The following LINGO1 variants were observed in gnomAD, a reference collection of about 807,000 sequenced individuals.
LINGO1 encodes the protein leucine rich repeat and Ig domain containing 1, also known as leucine-rich repeat and immunoglobulin-like domain-containing nogo receptor-interacting protein 1.
LINGO1 carries 11 observed loss-of-function variants against 37.3 expected under a neutral mutation model. The observed-to-expected ratio is 0.29, with a 90% CI of 0.19 to 0.49. The LOEUF (loss-of-function observed/expected upper bound fraction) is 0.49, where lower values mean the gene tolerates loss of function less well. LINGO1 is among the 20% of genes least tolerant of loss of function. LINGO1 has a pLI of 0.99. For synonymous variants in LINGO1, 387 were observed against 403.0 expected (o/e 0.96, Z 0.48); for missense variants, 585 against 878.2 (o/e 0.67, Z 4.22).
chr15:77,815,257 G>A (rs1028878636), intron 1 of LINGO1, among the ~76,000 whole-genome samples: 2 of 152,120 alleles, frequency 1.3e-5, no homozygotes, highest in African/African-American at 4.8e-5. Flanking sequence ...ACTGCCTAAG[G>A]ACGTCCTCTG....
intron 2 of LINGO1, among the ~76,000 whole-genome samples, chr15:77,732,715 C>T (rs1463115095): frequency 6.6e-6 from 1 of 152,242 alleles, no homozygotes. Flanking sequence ...CACACAGAGC[C>T]CATGGTGGCT....
intron 2 of LINGO1, among the ~76,000 whole-genome samples, chr15:77,680,652 A>C (rs2075399163): frequency 6.6e-6 from 1 of 152,002 alleles, no homozygotes; most frequent in Admixed American, 6.6e-5. Context: ...TCTCCATGAG[A>C]GTTGGGGCCT....
intron 2 of LINGO1, among the ~76,000 whole-genome samples, chr15:77,732,042 C>T (rs748395672): frequency 6.6e-6 from 1 of 152,198 alleles, no homozygotes; most frequent in Non-Finnish European, 1.5e-5. Flanking sequence ...CACTGACAGG[C>T]CCTCACCACG....
chr15:77,740,092 C>A (rs900361140), intron 1 of LINGO1, among the ~76,000 whole-genome samples: 2 of 152,242 alleles, frequency 1.3e-5, no homozygotes, highest in African/African-American at 2.4e-5. Context: ...AATGGCCACA[C>A]TTGGGTGGGA....
intron 2 of LINGO1, among the ~76,000 whole-genome samples, chr15:77,689,331 C>T (rs1365093170): frequency 6.6e-6 from 1 of 152,206 alleles, no homozygotes; most frequent in Non-Finnish European, 1.5e-5. Flanking sequence ...AGACAACACA[C>T]TCAGGAGGTC....
At chr15:77,656,461 G>A (rs1004275975) in intron 3 of LINGO1, among the ~76,000 whole-genome samples, 7 of 152,212 alleles carry the variant, frequency 4.6e-5, no homozygotes, top group Non-Finnish European at 7.3e-5. Flanking sequence ...AAATGCCAGT[G>A]TGCGGGTTCT....
intron 1 of LINGO1, among the ~76,000 whole-genome samples, chr15:77,742,806 G>C (rs919637793): frequency 2.6e-5 from 4 of 152,224 alleles, no homozygotes; most frequent in Non-Finnish European, 5.9e-5. Flanking sequence ...CTGTAGAAGA[G>C]AGCCTGCCAA....
intron 1 of LINGO1, among the ~76,000 whole-genome samples, chr15:77,760,514 C>A (rs1452977252): frequency 6.6e-6 from 1 of 152,252 alleles, no homozygotes; most frequent in African/African-American, 2.4e-5. Context: ...AAAGTTGAAT[C>A]TGGCCACACA....
chr15:77,629,229 A>G (rs938798786), intron 1 of LINGO1, among the ~76,000 whole-genome samples: 2 of 152,208 alleles, frequency 1.3e-5, no homozygotes, highest in African/African-American at 4.8e-5. Context: ...AACACACACA[A>G]GTAGATTGTT....
intron 1 of LINGO1, among the ~76,000 whole-genome samples, chr15:77,617,563 C>T (rs1004170895): frequency 2.6e-5 from 4 of 152,188 alleles, no homozygotes; most frequent in African/African-American, 4.8e-5. Context: ...TCCCACCTCT[C>T]CACCCTAGCT....
intron 3 of LINGO1, among the ~76,000 whole-genome samples, chr15:77,668,602 G>C (rs73457844): frequency 0.017 from 2,599 of 152,026 alleles, 80 homozygotes; most frequent in African/African-American, 0.06. Flanking sequence ...TACGTGCCAG[G>C]GTCACGACGC....
At chr15:77,764,826 T>G (rs931658436) in intron 1 of LINGO1, among the ~76,000 whole-genome samples, 5 of 152,174 alleles carry the variant, frequency 3.3e-5, no homozygotes, top group African/African-American at 9.7e-5. Flanking sequence ...GTCTCCCACA[T>G]GCACAAGGGG....
At chr15:77,683,629 T>C (rs2075453891) in intron 2 of LINGO1, among the ~76,000 whole-genome samples, 1 of 152,168 alleles carries the variant, frequency 6.6e-6, no homozygotes, top group Admixed American at 6.5e-5. Flanking sequence ...GTGCATAATA[T>C]GATTCCGTTT....
intron 1 of LINGO1, among the ~76,000 whole-genome samples, chr15:77,620,517 T>C (rs992457418): frequency 2.0e-5 from 3 of 152,228 alleles, no homozygotes; most frequent in African/African-American, 7.2e-5. Context: ...CAATGCTCCC[T>C]GACACACGCA....
chr15:77,730,383 C>T (rs1567551495), intron 2 of LINGO1, among the ~76,000 whole-genome samples: 2 of 152,186 alleles, frequency 1.3e-5, no homozygotes, highest in Non-Finnish European at 2.9e-5. Context: ...TAAGACCACA[C>T]AGCTGGTAAG....
At chr15:77,647,174 G>A (rs951321797) in intron 3 of LINGO1, among the ~76,000 whole-genome samples, 2 of 152,142 alleles carry the variant, frequency 1.3e-5, no homozygotes, top group African/African-American at 2.4e-5. Context: ...GAAGGGCAGT[G>A]TCAGGAGCTT....
At chr15:77,776,538 G>GGAAAGC (rs1481155294) in intron 1 of LINGO1, among the ~76,000 whole-genome samples, 37 of 34,280 alleles carry the variant, frequency 1.1e-3, no homozygotes, top group Admixed American at 2.4e-3. Flanking sequence ...GGGAGGGAGG[G>GGAAAGC]AGGGAGGGAG....
chr15:77,702,379 C>A (rs1016911015), intron 2 of LINGO1, among the ~76,000 whole-genome samples: 3 of 152,274 alleles, frequency 2.0e-5, no homozygotes, highest in Admixed American at 6.5e-5. Context: ...CCTGTTACAG[C>A]ACCTGCCATT....
intron 1 of LINGO1, among the ~76,000 whole-genome samples, chr15:77,753,047 T>C (rs188566213): frequency 1.2e-3 from 182 of 152,336 alleles, no homozygotes; most frequent in Non-Finnish European, 1.9e-3. Flanking sequence ...ATCAAGCACA[T>C]ACATAGTGTC....
Sources: gnomAD v4.1 joint callset for allele counts (sites outside exome capture counted in the v4.1 genomes callset) on GRCh38, gnomAD v4.1.1 for gene constraint, MANE v1.5 for transcripts, NCBI Gene and HGNC (gene_info 2026-07-23, HGNC 2026-07-21) for gene names.